Variants in DRG1 observed in about 807,000 individuals in gnomAD.
DRG1 encodes the protein developmentally regulated GTP binding protein 1.
DRG1 carries 19 observed loss-of-function variants against 38.8 expected under a neutral mutation model. The ratio of observed to expected loss-of-function variants is 0.49; its 90% CI spans 0.34 to 0.72. The LOEUF (loss-of-function observed/expected upper bound fraction) is 0.72. DRG1 is among the 30% of genes least tolerant of loss of function. DRG1 has a pLI of 0.01. For synonymous variants in DRG1, 167 were observed against 157.5 expected, an observed-to-expected ratio of 1.06 and a Z score of -0.45; for missense variants, 299 against 444.8, an observed-to-expected ratio of 0.67 and a Z score of 2.95.
chr22:31,421,571 C>T (rs2050077126), intron 5 of DRG1, among the ~76,000 whole-genome samples: 1 of 151,886 alleles, frequency 6.6e-6, no homozygotes, highest in Non-Finnish European at 1.5e-5. Context: ...GTCAAGAGGG[C>T]ATGTGGGGTA....
At chr22:31,408,739 C>T (rs1169863986) in intron 3 of DRG1, among the ~76,000 whole-genome samples, 8 of 112,654 alleles carry the variant, frequency 7.1e-5, no homozygotes, top group African/African-American at 2.5e-4. Context: ...GGCGATAGAG[C>T]GAGACTCATT....
chr22:31,431,035 CTTTTTTT>C (rs1365360511), intron 8 of DRG1, among the ~76,000 whole-genome samples: 1 of 56,764 alleles, frequency 1.8e-5, no homozygotes, highest in East Asian at 1.3e-3. Context: ...CCCCCCCCCG[CTTTTTTT>C]TTTTTTTTTT....
At chr22:31,415,479 C>T (rs376924247) in intron 4 of DRG1, among the ~76,000 whole-genome samples, 2 of 152,260 alleles carry the variant, frequency 1.3e-5, no homozygotes, top group South Asian at 4.1e-4. Flanking sequence ...AGAATCTACA[C>T]TTTATTTGTA....
intron 8 of DRG1, among the ~76,000 whole-genome samples, chr22:31,428,009 G>A (rs1032166988): frequency 3.3e-5 from 5 of 151,946 alleles, no homozygotes; most frequent in African/African-American, 9.7e-5. Flanking sequence ...ATGAGCCACC[G>A]TGCCTGGCCT....
At chr22:31,419,664 C>T (rs968019929) in intron 4 of DRG1, among the ~76,000 whole-genome samples, 1 of 151,946 alleles carries the variant, frequency 6.6e-6, no homozygotes, top group African/African-American at 2.4e-5. Flanking sequence ...GGTGGTTACA[C>T]AGGTATATAC....
chr22:31,418,394 G>C (rs1226713044), intron 4 of DRG1, among the ~76,000 whole-genome samples: 1 of 152,160 alleles, frequency 6.6e-6, no homozygotes, highest in East Asian at 1.9e-4. Context: ...GGAGGTGGAG[G>C]TTATAATGAG....
At chr22:31,421,108 C>T (rs530603159) in intron 5 of DRG1, among the ~76,000 whole-genome samples, 5 of 152,026 alleles carry the variant, frequency 3.3e-5, no homozygotes, top group African/African-American at 4.8e-5. Flanking sequence ...TTAGTAGAGA[C>T]GGGGTTTCAC....
intron 4 of DRG1, among the ~76,000 whole-genome samples, chr22:31,411,878 C>T (rs2050019953): frequency 6.6e-6 from 1 of 151,922 alleles, no homozygotes; most frequent in Non-Finnish European, 1.5e-5. Context: ...AGTCATTTTC[C>T]CTCAGAAATT....
intron 8 of DRG1, among the ~76,000 whole-genome samples, chr22:31,433,213 G>T (rs1342984120): frequency 6.6e-6 from 1 of 150,842 alleles, no homozygotes; most frequent in African/African-American, 2.4e-5. Context: ...AAGTGATATT[G>T]TATCTGTAAG....
chr22:31,406,776 C>T (rs893606071), intron 3 of DRG1, among the ~76,000 whole-genome samples: 2 of 152,010 alleles, frequency 1.3e-5, no homozygotes, highest in African/African-American at 2.4e-5. Context: ...GAAAAATTAT[C>T]AGAGATAGAT....
At chr22:31,404,812 C>T (rs976939916) in intron 3 of DRG1, among the ~76,000 whole-genome samples, 3 of 151,788 alleles carry the variant, frequency 2.0e-5, no homozygotes, top group African/African-American at 4.8e-5. Context: ...TTAGTAGAGA[C>T]GGAGTTTCAC....
chr22:31,409,178 G>T (rs559998170), intron 3 of DRG1, among the ~76,000 whole-genome samples: 7 of 152,052 alleles, frequency 4.6e-5, no homozygotes, highest in African/African-American at 1.7e-4. Flanking sequence ...TTCGACTGTC[G>T]GGTTCAAGCC....
chr22:31,407,426 C>G (rs1442980646), intron 3 of DRG1, among the ~76,000 whole-genome samples: 1 of 152,114 alleles, frequency 6.6e-6, no homozygotes, highest in Non-Finnish European at 1.5e-5. Flanking sequence ...GCCTCGACCT[C>G]CTGGGTTCAA....
intron 5 of DRG1, 111 bp from the exon 6 acceptor site, chr22:31,423,169 G>C: frequency 7.5e-7 from 1 of 1,337,954 alleles, no homozygotes; most frequent in Admixed American, 1.9e-5. Flanking sequence ...GATGTATTTA[G>C]TAATGAGTTT....
At chr22:31,402,785 T>C (rs1375827919) in intron 2 of DRG1, among the ~76,000 whole-genome samples, 1 of 152,124 alleles carries the variant, frequency 6.6e-6, no homozygotes, top group African/African-American at 2.4e-5. Flanking sequence ...GCAGGGACTA[T>C]AGATGTGTGC....
chr22:31,400,140 C>A (rs574272705), intron 1 of DRG1, among the ~76,000 whole-genome samples: 52 of 152,172 alleles, frequency 3.4e-4, no homozygotes, highest in Non-Finnish European at 6.0e-4. Context: ...TTCGCTGCGT[C>A]CCCCTTATTC....
chr22:31,403,251 T>C, intron 3 of DRG1, 47 bp downstream of exon 3: 1 of 1,543,314 alleles, frequency 6.5e-7, no homozygotes, highest in Non-Finnish European at 8.7e-7. Context: ...CTATTCTTCA[T>C]TTAGGAAGAA....
intron 4 of DRG1, among the ~76,000 whole-genome samples, chr22:31,419,200 G>C (rs569919502): frequency 6.6e-6 from 1 of 152,102 alleles, no homozygotes; most frequent in Non-Finnish European, 1.5e-5. Context: ...CAGTTTGGGA[G>C]ACCAAGGCAG....
At chr22:31,408,790 TG>T (rs1202449105) in intron 3 of DRG1, among the ~76,000 whole-genome samples, 5 of 150,832 alleles carry the variant, frequency 3.3e-5, no homozygotes, top group East Asian at 3.9e-4. Flanking sequence ...TTTTAAGTGA[TG>T]TTTTAATAAG....
Sources: allele counts gnomAD v4.1 joint callset (sites outside exome capture counted in the v4.1 genomes callset), GRCh38; gene constraint gnomAD v4.1.1; transcripts MANE v1.5; gene names NCBI Gene and HGNC (gene_info 2026-07-23, HGNC 2026-07-21).